The following IGF1R variants were observed in gnomAD, a reference collection of about 807,000 sequenced individuals.
IGF1R encodes insulin-like growth factor 1 receptor.
A neutral mutation model predicts 144.6 loss-of-function variants in IGF1R; 44 were observed. The ratio of observed to expected loss-of-function variants is 0.30; its 90% CI spans 0.24 to 0.39. The LOEUF (loss-of-function observed/expected upper bound fraction) is 0.39. Ranked by LOEUF, IGF1R falls within the 10% of genes least tolerant of loss-of-function variation. IGF1R has a pLI of 1.00. For synonymous variants in IGF1R, 795 were observed against 722.8 expected, an observed-to-expected ratio of 1.10 and a Z score of -1.60; for missense variants, 1,355 against 1,833.7, an observed-to-expected ratio of 0.74 and a Z score of 4.77.
In IGF1R at chr15:98,850,810, C is replaced by G. The variant is rs185385251; in HGVS notation, c.641-40515C>G. ...GTAGGGGTACTTGACTTGGGGGCAG[C>G]AGAAGCAGGTGTGAGTGTTGGACAA... On this transcript the variant is annotated intron_variant, in intron 2 of 20. Transcript: ENST00000650285. Among the ~76,000 whole-genome samples the G allele has an allele frequency of 6.2e-4, 95 of 152,128 alleles. 2 individuals carry two copies. The highest frequency in any genetic ancestry group is 6.8e-3 in the Middle Eastern group (2 of 294).
Position 98,963,192 on chromosome 15 carries a change from G to A in IGF1R, c.*5750G>A. The A allele has an allele frequency of 4.4e-6, 1 of 226,754 alleles. No individual in the cohort carries two copies. Among genetic ancestry groups the A allele is most frequent in the Non-Finnish European group, 8.5e-6 (1 of 116,960 alleles). 14.0% of individuals were successfully genotyped at this position (226,754 alleles called of 1,614,324 possible). A position where few individuals can be genotyped will look rare whatever the true frequency, so the allele number is the denominator to read the frequency against. ...AGACACTTTTTTTTTCTCTGTGTGT[G>A]CAAATGTGTGTTTGTGATCCATTTT... On this transcript the variant is annotated 3_prime_UTR_variant, in exon 21 of 21. Transcript: ENST00000650285.
chr15:98,800,890 G>A (rs1420492736), intron 2 of IGF1R, among the ~76,000 whole-genome samples: 3 of 152,204 alleles, frequency 2.0e-5, no homozygotes, highest in African/African-American at 7.2e-5. Context: ...TTCACTTGCA[G>A]CCATCTAGCC....
chr15:98,960,905 GC>G lies in IGF1R; in HGVS notation c.*3471del, dbSNP rs3833014. The G allele has an allele frequency of 1.2e-4, 27 of 232,436 alleles. No individual in the cohort carries two copies. The highest frequency in any genetic ancestry group is 2.8e-4 in the Admixed American group (5 of 17,694). 14.4% of individuals were successfully genotyped at this position (232,436 alleles called of 1,614,324 possible). A position where few individuals can be genotyped will look rare whatever the true frequency, so the allele number is the denominator to read the frequency against. On this transcript the variant is annotated 3_prime_UTR_variant, in exon 21 of 21. Transcript: ENST00000650285. ...CCGGCGCCGAGGCTCGTGGCGTCAC[GC>G]CCCCCCCGCCAGGGCTGTACCTCCG...
chr15:98,700,631 G>C (rs2053706969), intron 1 of IGF1R, among the ~76,000 whole-genome samples: 1 of 152,138 alleles, frequency 6.6e-6, no homozygotes, highest in African/African-American at 2.4e-5. Context: ...CCACACACTT[G>C]TCTCAGTCTG....
chr15:98,800,361 CTG>C (rs1450626570), intron 2 of IGF1R, among the ~76,000 whole-genome samples: 1 of 152,076 alleles, frequency 6.6e-6, no homozygotes, highest in Non-Finnish European at 1.5e-5. Flanking sequence ...TGCATAAAGT[CTG>C]TAGATGGTAA....
rs147238620 is a variant in IGF1R, at chr15:98,755,802, A to G, written c.640+47695A>G. ...TTAAATAAAAAAATGTGTTTTAACA[A>G]GGAATATGTTAAGTTTTGGTAAATA... On this transcript the variant is annotated intron_variant, in intron 2 of 20. Transcript: ENST00000650285. 6.2e-3 allele frequency among the ~76,000 whole-genome samples: 902 copies of G among 145,876 alleles called. 8 individuals are homozygous for G. Among genetic ancestry groups the G allele is most frequent in the African/African-American group, 0.021 (839 of 40,442 alleles).
chr15:98,810,350 A>G (rs909377062), intron 2 of IGF1R, among the ~76,000 whole-genome samples: 4 of 151,812 alleles, frequency 2.6e-5, no homozygotes, highest in Non-Finnish European at 5.9e-5. Flanking sequence ...TAAATTCCAC[A>G]CTCCACCCCC....
In IGF1R at chr15:98,913,028, C is replaced by T. The variant is rs9282724; in HGVS notation, c.1590-16C>T. ...GTCAGAGCCCCGAACTTTCTCTGAA[C>T]TTAATTGTCTTTCAGACCCTTTAAG... On this transcript the variant is annotated splice_polypyrimidine_tract_variant and intron_variant, in intron 7 of 20. Coordinates refer to ENST00000650285, the MANE Select transcript of IGF1R (RefSeq NM_000875.5). The T allele has an allele frequency of 3.1e-6, 5 of 1,595,840 alleles. No individual in the cohort carries two copies. In the South Asian group the frequency reaches 5.5e-5, roughly 18 times the overall value.
intron 2 of IGF1R, among the ~76,000 whole-genome samples, chr15:98,793,735 T>G (rs185290048): frequency 3.3e-5 from 5 of 152,350 alleles, no homozygotes; most frequent in Admixed American, 2.0e-4. Flanking sequence ...TTCACTGTTT[T>G]GACATGAATC....
intron 15 of IGF1R, among the ~76,000 whole-genome samples, chr15:98,931,826 C>T (rs2015953650): frequency 6.6e-6 from 1 of 152,162 alleles, no homozygotes; most frequent in Non-Finnish European, 1.5e-5. Flanking sequence ...CACTGCACTA[C>T]AGCCTATAGA....
chr15:98,895,223 C>CACACACACACAG (rs1491114244), intron 3 of IGF1R, among the ~76,000 whole-genome samples: 34 of 3,900 alleles, frequency 8.7e-3, no homozygotes, highest in African/African-American at 0.026. Context: ...GACACAGCAC[C>CACACACACACAG]ACACACACAC....
At chr15:98,817,921 A>T (rs1023108885) in intron 2 of IGF1R, among the ~76,000 whole-genome samples, 1 of 152,160 alleles carries the variant, frequency 6.6e-6, no homozygotes, top group African/African-American at 2.4e-5. Flanking sequence ...TTGGAGAAGC[A>T]TATTCTCATG....
chr15:98,874,787 GAT>G (rs1227070156), intron 2 of IGF1R, among the ~76,000 whole-genome samples: 7 of 152,330 alleles, frequency 4.6e-5, no homozygotes, highest in African/African-American at 1.7e-4. Context: ...AGAACAAACT[GAT>G]ACAGCCTAGC....
At chr15:98,907,808 C>T (rs2014804808) in intron 5 of IGF1R, among the ~76,000 whole-genome samples, 1 of 152,202 alleles carries the variant, frequency 6.6e-6, no homozygotes. Context: ...GGGCAGAAGC[C>T]ACGTCTGGTT....
In IGF1R at chr15:98,960,517, G is replaced by A. The variant is rs2017180977; in HGVS notation, c.*3075G>A. 4.3e-6 allele frequency: 1 copy of A among 233,286 alleles called. No homozygotes were observed. Among genetic ancestry groups the A allele is most frequent in the Non-Finnish European group, 8.5e-6 (1 of 118,122 alleles). The allele number at this position is 233,286 out of a possible 1,614,324, so 14.5% of individuals were successfully genotyped here. ...GTGGTTCCTCAGGTTCTGAGGAGAGGAAGGTGTCCAGGCAGCACCATCTCT... is the reference window on the plus strand; with the variant it reads ...GTGGTTCCTCAGGTTCTGAGGAGAGAAAGGTGTCCAGGCAGCACCATCTCT... On this transcript the variant is annotated 3_prime_UTR_variant, in exon 21 of 21. Coordinates refer to ENST00000650285, the MANE Select transcript of IGF1R (RefSeq NM_000875.5).
intron 20 of IGF1R, 70 bp from the exon 21 acceptor site, chr15:98,956,991 C>G: frequency 6.5e-7 from 1 of 1,534,402 alleles, no homozygotes; most frequent in Non-Finnish European, 9.0e-7. Context: ...CCACTGCAGG[C>G]GGCCCATGAA....
chr15:98,894,631 C>T (rs142234814), intron 3 of IGF1R, among the ~76,000 whole-genome samples: 413 of 152,332 alleles, frequency 2.7e-3, no homozygotes, highest in African/African-American at 8.2e-3. Context: ...TAGCCAGGCA[C>T]GGCGGCTCAC....
intron 2 of IGF1R, among the ~76,000 whole-genome samples, chr15:98,758,387 G>A (rs1025877429): frequency 2.6e-5 from 4 of 152,052 alleles, no homozygotes; most frequent in African/African-American, 9.7e-5. Flanking sequence ...GTCCTCAGTG[G>A]GTCATGGTTT....
chr15:98,843,640 A>G (rs964838763), intron 2 of IGF1R, among the ~76,000 whole-genome samples: 3 of 152,176 alleles, frequency 2.0e-5, no homozygotes, highest in Non-Finnish European at 2.9e-5. Flanking sequence ...ACCTTGATCC[A>G]TAGAGAAAGC....
Sources: allele counts gnomAD v4.1 joint callset (sites outside exome capture counted in the v4.1 genomes callset), GRCh38; gene constraint gnomAD v4.1.1; transcripts MANE v1.5; gene names NCBI Gene and HGNC (gene_info 2026-07-23, HGNC 2026-07-21).